Variants in CNTNAP2 observed in about 807,000 individuals in gnomAD.
CNTNAP2 encodes contactin-associated protein-like 2.
Under a neutral mutation model 155.2 loss-of-function variants are expected in CNTNAP2, and 98 were observed. That is an observed-to-expected ratio of 0.63 (90% CI 0.54 to 0.75). The LOEUF (loss-of-function observed/expected upper bound fraction) is 0.75, where lower values mean the gene tolerates loss of function less well. CNTNAP2 is among the 30% of genes least tolerant of loss of function. The pLI is 0.00. For missense variants in CNTNAP2, 1,727 were observed against 1,688.1 expected (o/e 1.02, Z -0.40); for synonymous variants, 651 against 631.2 (o/e 1.03, Z -0.47).
At chr7:148,119,654 T>G (rs542057963) in intron 16 of CNTNAP2, among the ~76,000 whole-genome samples, 3 of 152,354 alleles carry the variant, frequency 2.0e-5, no homozygotes, top group African/African-American at 7.2e-5. Flanking sequence ...GCTATTGGAT[T>G]CACAGTAGCA....
At chr7:147,444,312 A>C (rs555004855) in intron 10 of CNTNAP2, among the ~76,000 whole-genome samples, 1 of 152,330 alleles carries the variant, frequency 6.6e-6, no homozygotes, top group African/African-American at 2.4e-5. Flanking sequence ...ATGAAGCCCA[A>C]GATGAGATAA....
At chr7:146,625,112 T>C (rs1352900424) in intron 1 of CNTNAP2, among the ~76,000 whole-genome samples, 1 of 152,006 alleles carries the variant, frequency 6.6e-6, no homozygotes, top group Non-Finnish European at 1.5e-5. Context: ...ATATATTAAT[T>C]ATAAGGCTGC....
At chr7:147,573,596 G>A (rs531689742) in intron 12 of CNTNAP2, among the ~76,000 whole-genome samples, 1 of 152,308 alleles carries the variant, frequency 6.6e-6, no homozygotes, top group East Asian at 1.9e-4. Flanking sequence ...GGAGGACAGA[G>A]CGGGAAGTTT....
intron 1 of CNTNAP2, among the ~76,000 whole-genome samples, chr7:146,575,381 C>T (rs1411829655): frequency 1.3e-5 from 2 of 152,210 alleles, no homozygotes; most frequent in Admixed American, 6.5e-5. Context: ...TCCCAAAGTG[C>T]TGGGATTACA....
intron 9 of CNTNAP2, among the ~76,000 whole-genome samples, chr7:147,364,994 G>A (rs960490001): frequency 6.6e-6 from 1 of 152,146 alleles, no homozygotes; most frequent in Non-Finnish European, 1.5e-5. Context: ...ATAACCAAGA[G>A]CCAATTAGAG....
At chr7:146,311,075 TAAA>T (rs201075628) in intron 1 of CNTNAP2, among the ~76,000 whole-genome samples, 1 of 151,974 alleles carries the variant, frequency 6.6e-6, no homozygotes, top group Non-Finnish European at 1.5e-5. Flanking sequence ...TTGAGGAAGT[TAAA>T]AAAAATCAAT....
At chr7:147,200,466 A>C (rs1354752437) in intron 8 of CNTNAP2, among the ~76,000 whole-genome samples, 1 of 152,172 alleles carries the variant, frequency 6.6e-6, no homozygotes, top group Non-Finnish European at 1.5e-5. Context: ...GGATTTCAGG[A>C]GAGAGGTCTC....
intron 9 of CNTNAP2, among the ~76,000 whole-genome samples, chr7:147,336,846 T>C (rs1169724613): frequency 3.3e-5 from 5 of 152,080 alleles, no homozygotes; most frequent in Non-Finnish European, 7.4e-5. Flanking sequence ...TAGAACTCTA[T>C]GGAAAATTTC....
In CNTNAP2 at chr7:146,129,656, A is replaced by G. The variant is rs182755881; in HGVS notation, c.97+12683A>G. ...TTATCCACTTTATCAGCTTCCACAT[A>G]ACACATTCAGTTTTCTACATTTTAG... is the stretch of plus-strand genomic sequence containing the variant. On this transcript the variant is annotated intron_variant, in intron 1 of 23. Coordinates refer to ENST00000361727, the MANE Select transcript of CNTNAP2 (RefSeq NM_014141.6). Among the ~76,000 whole-genome samples the G allele has an allele frequency of 6.6e-5, 10 of 152,324 alleles. No individual in the cohort carries two copies. In the East Asian group the frequency reaches 1.9e-3, roughly 29 times the overall value.
At chr7:147,975,034 C>T (rs1303091996) in intron 14 of CNTNAP2, among the ~76,000 whole-genome samples, 1 of 150,850 alleles carries the variant, frequency 6.6e-6, no homozygotes, top group African/African-American at 2.4e-5. Context: ...ACATATAATA[C>T]AATTTTTTGT....
chr7:147,500,085 ATT>A (rs1229995396), intron 11 of CNTNAP2, among the ~76,000 whole-genome samples: 22,763 of 151,074 alleles, frequency 0.15, 2,449 homozygotes, highest in East Asian at 0.32. Flanking sequence ...CCAGAGCAAG[ATT>A]TTTTTTTAAA....
At chr7:147,799,659 A>G (rs1016358421) in intron 13 of CNTNAP2, among the ~76,000 whole-genome samples, 9 of 152,248 alleles carry the variant, frequency 5.9e-5, no homozygotes, top group African/African-American at 2.2e-4. Context: ...TAGTCAGGCT[A>G]CAGGAAGGAA....
At chr7:147,777,901 T>G (rs1191613470) in intron 13 of CNTNAP2, among the ~76,000 whole-genome samples, 1 of 152,252 alleles carries the variant, frequency 6.6e-6, no homozygotes, top group African/African-American at 2.4e-5. Context: ...TTTAGCCTGA[T>G]GTATTTTTGA....
intron 10 of CNTNAP2, among the ~76,000 whole-genome samples, chr7:147,460,606 C>T (rs1798005702): frequency 6.6e-6 from 1 of 151,674 alleles, no homozygotes; most frequent in South Asian, 2.1e-4. Flanking sequence ...TTTGAATGCA[C>T]CTAGGTCAGA....
At chr7:146,331,369 C>T (rs528844329) in intron 1 of CNTNAP2, among the ~76,000 whole-genome samples, 1 of 151,744 alleles carries the variant, frequency 6.6e-6, no homozygotes, top group Non-Finnish European at 1.5e-5. Flanking sequence ...TGAGTATATT[C>T]CATTTATCCA....
At chr7:146,456,502 T>C (rs1239352062) in intron 1 of CNTNAP2, among the ~76,000 whole-genome samples, 1 of 152,174 alleles carries the variant, frequency 6.6e-6, no homozygotes, top group Non-Finnish European at 1.5e-5. Context: ...ATATAAATTT[T>C]CTGAAGTCTC....
intron 3 of CNTNAP2, among the ~76,000 whole-genome samples, chr7:146,944,475 A>C (rs970890862): frequency 6.6e-6 from 1 of 152,208 alleles, no homozygotes; most frequent in Non-Finnish European, 1.5e-5. Context: ...ATAAATTAGA[A>C]AATATTCATA....
At chr7:146,282,927 T>C (rs530592750) in intron 1 of CNTNAP2, among the ~76,000 whole-genome samples, 2 of 152,346 alleles carry the variant, frequency 1.3e-5, no homozygotes, top group South Asian at 2.1e-4. Context: ...AATTTTAATA[T>C]TAAAGTTTTA....
At chr7:146,248,885 G>A (rs796503404) in intron 1 of CNTNAP2, among the ~76,000 whole-genome samples, 1 of 152,180 alleles carries the variant, frequency 6.6e-6, no homozygotes, top group African/African-American at 2.4e-5. Context: ...AATCACCTGG[G>A]TGCAGGCAGG....
Sources: gnomAD v4.1 joint callset for allele counts (sites outside exome capture counted in the v4.1 genomes callset) on GRCh38, gnomAD v4.1.1 for gene constraint, MANE v1.5 for transcripts, NCBI Gene and HGNC (gene_info 2026-07-23, HGNC 2026-07-21) for gene names.